Variants in FSTL4 observed in about 807,000 individuals in gnomAD.
FSTL4 encodes the protein follistatin like 4.
FSTL4 carries 28 observed loss-of-function variants against 78.2 expected under a neutral mutation model. That is an observed-to-expected ratio of 0.36 (90% CI 0.27 to 0.49). The LOEUF (loss-of-function observed/expected upper bound fraction) is 0.49. Ranked by LOEUF, FSTL4 falls within the 20% of genes least tolerant of loss-of-function variation. The probability of loss-of-function intolerance (pLI) is 0.98; values close to 1 mark genes in which losing one functional copy is unlikely to be tolerated. For missense variants in FSTL4, 922 were observed against 1,084.9 expected (o/e 0.85, Z 2.11); for synonymous variants, 422 against 440.5 (o/e 0.96, Z 0.53).
At chr5:133,276,299 G>T (rs1752881919) in intron 6 of FSTL4, among the ~76,000 whole-genome samples, 1 of 152,208 alleles carries the variant, frequency 6.6e-6, no homozygotes, top group South Asian at 2.1e-4. Context: ...GACCCCAGTG[G>T]AGAGGGAGGG....
At chr5:133,279,548 C>A (rs897891925) in intron 6 of FSTL4, among the ~76,000 whole-genome samples, 12 of 152,174 alleles carry the variant, frequency 7.9e-5, no homozygotes, top group Admixed American at 7.9e-4. Context: ...GGGTTGGCCA[C>A]GTGCACACAT....
intron 4 of FSTL4, among the ~76,000 whole-genome samples, chr5:133,327,147 C>T (rs1352414840): frequency 3.3e-5 from 5 of 152,184 alleles, no homozygotes; most frequent in African/African-American, 1.2e-4. Flanking sequence ...AACACCAGGG[C>T]CTCAGGAAAC....
intron 6 of FSTL4, among the ~76,000 whole-genome samples, chr5:133,275,555 T>C (rs1315821658): frequency 1.5e-5 from 2 of 132,490 alleles, no homozygotes; most frequent in Non-Finnish European, 3.0e-5. Flanking sequence ...AGAAAAACTC[T>C]GTCTTAAAAA....
chr5:133,804,139 TC>T, the FSTL4 span, among the ~76,000 whole-genome samples: 1 of 152,182 alleles, frequency 6.6e-6, no homozygotes, highest in African/African-American at 2.4e-5. Flanking sequence ...CTATATTCAA[TC>T]CCTTTCTGCT....
chr5:133,289,375 G>A (rs1239879288), intron 6 of FSTL4, among the ~76,000 whole-genome samples: 2 of 152,126 alleles, frequency 1.3e-5, no homozygotes, highest in African/African-American at 2.4e-5. Flanking sequence ...TCCAGCCTAA[G>A]CCCATCTTCT....
chr5:133,503,884 A>C (rs1428911), intron 3 of FSTL4, among the ~76,000 whole-genome samples: 78,593 of 152,046 alleles, frequency 0.52, 20,704 homozygotes, highest in African/African-American at 0.6. Context: ...GGTTTAATTG[A>C]CTCATAGTTT....
At chr5:133,700,183 C>G in the FSTL4 span, among the ~76,000 whole-genome samples, 1 of 151,696 alleles carries the variant, frequency 6.6e-6, no homozygotes, top group Non-Finnish European at 1.5e-5. Context: ...ACCAAACCAT[C>G]ACACCAAACC....
the FSTL4 span, among the ~76,000 whole-genome samples, chr5:133,785,740 G>A: frequency 1.3e-5 from 2 of 152,170 alleles, no homozygotes; most frequent in African/African-American, 4.8e-5. Flanking sequence ...GGGTGAGGTT[G>A]GGTTCTTTCA....
Position 133,350,455 on chromosome 5 carries a change from C to T in FSTL4, c.410-33803G>A, listed in dbSNP as rs58636593. 5.6e-3 allele frequency among the ~76,000 whole-genome samples: 847 copies of T among 152,348 alleles called. 5 individuals are homozygous for T. Among genetic ancestry groups the T allele is most frequent in the African/African-American group, 0.019 (810 of 41,580 alleles). On this transcript the variant is annotated intron_variant, in intron 4 of 15. Coordinates refer to ENST00000265342, the MANE Select transcript of FSTL4 (RefSeq NM_015082.2). ...GGCAGATCTTCCCTCCAGCCTCAGG[C>T]TCTCAGGGTTGACTACCTCCCCTGG...
intron 4 of FSTL4, among the ~76,000 whole-genome samples, chr5:133,331,593 G>A (rs1754348029): frequency 6.6e-6 from 1 of 152,180 alleles, no homozygotes; most frequent in Admixed American, 6.5e-5. Context: ...GGCGATACGT[G>A]CTCTTACATG....
chr5:133,293,359 G>A (rs1387648882), intron 6 of FSTL4, among the ~76,000 whole-genome samples: 1 of 152,174 alleles, frequency 6.6e-6, no homozygotes, highest in African/African-American at 2.4e-5. Context: ...TTCCCTGTGG[G>A]TGTCTACAGG....
At chr5:133,222,290 C>G (rs561402302) in intron 11 of FSTL4, among the ~76,000 whole-genome samples, 1 of 152,102 alleles carries the variant, frequency 6.6e-6, no homozygotes, top group Non-Finnish European at 1.5e-5. Flanking sequence ...GGGCGCTGGG[C>G]AGCCTGTTTC....
At chr5:133,803,153 C>G in the FSTL4 span, among the ~76,000 whole-genome samples, 1 of 152,194 alleles carries the variant, frequency 6.6e-6, no homozygotes, top group Non-Finnish European at 1.5e-5. Flanking sequence ...TGAAGGCAAG[C>G]ACCCCTGAAT....
intron 1 of FSTL4, among the ~76,000 whole-genome samples, chr5:133,609,753 T>C (rs1286429840): frequency 6.6e-6 from 1 of 152,360 alleles, no homozygotes; most frequent in East Asian, 1.9e-4. Context: ...ACTCTGACGT[T>C]TAACACAGAC....
chr5:133,725,608 T>C, the FSTL4 span, among the ~76,000 whole-genome samples: 1 of 152,102 alleles, frequency 6.6e-6, no homozygotes, highest in Non-Finnish European at 1.5e-5. Context: ...CTGGACCACA[T>C]GGGGGTACTC....
chr5:133,446,080 TGAG>T (rs1157386021), intron 3 of FSTL4, among the ~76,000 whole-genome samples: 1 of 152,186 alleles, frequency 6.6e-6, no homozygotes, highest in African/African-American at 2.4e-5. Flanking sequence ...TCATTTCATC[TGAG>T]GAGACTTCTC....
chr5:133,403,881 T>A (rs536722028), intron 3 of FSTL4, among the ~76,000 whole-genome samples: 1 of 152,146 alleles, frequency 6.6e-6, no homozygotes, highest in Non-Finnish European at 1.5e-5. Context: ...TGTGTCCAGA[T>A]GGTAGTGAGC....
chr5:133,205,324 T>C (rs1261949486), intron 14 of FSTL4, among the ~76,000 whole-genome samples: 1 of 152,232 alleles, frequency 6.6e-6, no homozygotes, highest in Non-Finnish European at 1.5e-5. Flanking sequence ...CGTTGCATCC[T>C]GGGAATGTGT....
chr5:133,248,168 G>A (rs1190748478), intron 7 of FSTL4: 1 of 152,326 alleles, frequency 6.6e-6, no homozygotes, highest in Non-Finnish European at 1.5e-5. Flanking sequence ...CTGGAATGGG[G>A]TTCCATCTAA....
Sources: allele counts gnomAD v4.1 joint callset (sites outside exome capture counted in the v4.1 genomes callset), GRCh38; gene constraint gnomAD v4.1.1; transcripts MANE v1.5; gene names NCBI Gene and HGNC (gene_info 2026-07-23, HGNC 2026-07-21).